Variants in GNA13 observed in about 807,000 individuals in gnomAD.
The protein encoded by GNA13 is guanine nucleotide-binding protein subunit alpha-13.
A neutral mutation model predicts 33.5 loss-of-function variants in GNA13; 4 were observed. That is an observed-to-expected ratio of 0.12 (90% CI 0.06 to 0.27). GNA13 has a LOEUF of 0.27. GNA13 is among the 10% of genes least tolerant of loss of function. The pLI, the probability that GNA13 is intolerant of heterozygous loss-of-function variation, is 1.00. For synonymous variants in GNA13, 176 were observed against 183.8 expected (o/e 0.96, Z 0.34); for missense variants, 319 against 487.2 (o/e 0.65, Z 3.25).
At chr17:65,035,785 T>C (rs1403667891) in intron 2 of GNA13, among the ~76,000 whole-genome samples, 1 of 152,074 alleles carries the variant, frequency 6.6e-6, no homozygotes, top group African/African-American at 2.4e-5. Context: ...TTGTTAATTT[T>C]TTTTTTTTTT....
chr17:65,051,240 A>G (rs73341844), intron 2 of GNA13, among the ~76,000 whole-genome samples: 1 of 152,224 alleles, frequency 6.6e-6, no homozygotes, highest in African/African-American at 2.4e-5. Flanking sequence ...GGATGAATAG[A>G]GCCTGACAAA....
chr17:65,040,327 AC>A (rs1431579820), intron 2 of GNA13, among the ~76,000 whole-genome samples: 1 of 152,210 alleles, frequency 6.6e-6, no homozygotes, highest in Non-Finnish European at 1.5e-5. Context: ...TAAAGTCCCT[AC>A]CATGTTTGAA....
At chr17:65,020,879 G>A (rs1906557769) in intron 2 of GNA13, among the ~76,000 whole-genome samples, 1 of 152,084 alleles carries the variant, frequency 6.6e-6, no homozygotes, top group African/African-American at 2.4e-5. Flanking sequence ...TTGAACTCCT[G>A]ACCTCAGGTG....
chr17:65,053,822 A>G, intron 1 of GNA13, 94 bp from the exon 2 acceptor site: 1 of 784,556 alleles, frequency 1.3e-6, no homozygotes, highest in South Asian at 1.7e-5. Flanking sequence ...ATACTTCTGA[A>G]TTAACCTAGA....
chr17:65,022,282 G>A (rs1360934213), intron 2 of GNA13, among the ~76,000 whole-genome samples: 1 of 152,090 alleles, frequency 6.6e-6, no homozygotes, highest in African/African-American at 2.4e-5. Context: ...AGTGGAGACT[G>A]AGGCAGTGTG....
rs1207487660 is a variant in GNA13 at position 65,009,561 on chromosome 17, A to T, written c.*4696T>A. Reference sequence around the variant, plus strand: ...GGAAAGTTATAAAAAGATATATGTAAAAAAAAAATCCTAAGCCACAAATAT... The same window carrying T: ...GGAAAGTTATAAAAAGATATATGTATAAAAAAAATCCTAAGCCACAAATAT... On this transcript the variant is annotated 3_prime_UTR_variant, in exon 4 of 4. Coordinates refer to ENST00000439174, the MANE Select transcript of GNA13 (RefSeq NM_006572.6). Among the ~76,000 whole-genome samples, 1 of 151,394 alleles carries T rather than the reference A, an allele frequency of 6.6e-6. No individual in the cohort carries two copies. The highest frequency in any genetic ancestry group is 1.9e-4 in the East Asian group (1 of 5,198).
At position 65,014,557 on chromosome 17, in the gene GNA13, G is replaced by A. The variant is rs373006520; in HGVS notation, c.834C>T (p.Asn278=). Residue 278 remains asparagine, a synonymous_variant, in exon 4 of 4, where the codon AAC becomes AAT. Coordinates refer to ENST00000439174, the MANE Select transcript of GNA13 (RefSeq NM_006572.6). This position sits in a 1 kb window ranked among gnomAD's most constrained non-coding sequence, Gnocchi z 5.3. Reference sequence around the variant, plus strand: ...TTATGGAGACATTGCTGAAAACCCGGTTATTGACGATTGTTTCAAAAATGT... The same window carrying A: ...TTATGGAGACATTGCTGAAAACCCGATTATTGACGATTGTTTCAAAAATGT... ...SLNIFETIVN[N]RVFSNVSIIL... 155 of 1,614,014 alleles carry A rather than the reference G, an allele frequency of 9.6e-5. No homozygotes were observed. The highest frequency in any genetic ancestry group is 2.8e-4 in the Admixed American group (17 of 60,012).
At chr17:65,018,565 G>A (rs1392920759) in intron 2 of GNA13, among the ~76,000 whole-genome samples, 3 of 152,116 alleles carry the variant, frequency 2.0e-5, no homozygotes, top group Middle Eastern at 3.2e-3. Flanking sequence ...AGGATTACAC[G>A]CATGCTTTTT....
chr17:65,015,371 A>C (rs796344290), intron 3 of GNA13, among the ~76,000 whole-genome samples: 8 of 151,570 alleles, frequency 5.3e-5, no homozygotes, highest in African/African-American at 1.7e-4. Context: ...CCTCTATTAA[A>C]AGCAATGGGG....
At chr17:65,018,384 G>T in intron 2 of GNA13, 81 bp from the exon 3 acceptor site, 3 of 776,432 alleles carry the variant, frequency 3.9e-6, no homozygotes, top group Non-Finnish European at 7.0e-6. Context: ...CATACTGTCT[G>T]GTTGTACACT....
At chr17:65,018,198 C>A in intron 3 of GNA13, 55 bp downstream of exon 3, 1 of 799,148 alleles carries the variant, frequency 1.3e-6, no homozygotes, top group South Asian at 1.4e-5. Context: ...ACATCGATAT[C>A]CTGACTTCTG....
chr17:65,045,128 G>T (rs1271614232), intron 2 of GNA13, among the ~76,000 whole-genome samples: 2 of 151,494 alleles, frequency 1.3e-5, no homozygotes, highest in Admixed American at 6.6e-5. Flanking sequence ...CAATTACATA[G>T]AAGACAGGCA....
chr17:65,040,693 A>G (rs1054303617), intron 2 of GNA13, among the ~76,000 whole-genome samples: 3 of 152,080 alleles, frequency 2.0e-5, no homozygotes, highest in Non-Finnish European at 2.9e-5. Context: ...GGGTTTCACC[A>G]TCTTCGCCAG....
intron 2 of GNA13, among the ~76,000 whole-genome samples, chr17:65,040,779 C>T (rs370491663): frequency 6.6e-5 from 10 of 152,206 alleles, no homozygotes; most frequent in African/African-American, 2.4e-4. Flanking sequence ...CCATGAGCCA[C>T]TCTGCCCAGC....
chr17:65,019,698 G>A (rs1452474264), intron 2 of GNA13, among the ~76,000 whole-genome samples: 1 of 152,188 alleles, frequency 6.6e-6, no homozygotes, highest in Non-Finnish European at 1.5e-5. Flanking sequence ...GGTGGCAGGA[G>A]GTGGGGACGG....
chr17:65,033,271 G>A (rs1907116957), intron 2 of GNA13, among the ~76,000 whole-genome samples: 1 of 151,526 alleles, frequency 6.6e-6, no homozygotes, highest in Non-Finnish European at 1.5e-5. Context: ...GATCGTTTGA[G>A]CCCAGGAGTT....
rs1179269035 is a variant in GNA13 at position 65,014,813 on chromosome 17, T to G, written c.578A>C (p.Gln193Pro). 2 of 1,608,670 alleles carry G rather than the reference T, an allele frequency of 1.2e-6. No individual in the cohort carries two copies. Among genetic ancestry groups the G allele is most frequent in the African/African-American group, 2.7e-5 (2 of 74,568 alleles). The stretch of plus-strand genomic sequence containing the variant: ...TCTTCTGGCAAGCAGAATATCTTGT[T>G]GTGATGGAATATAATCCTGGAAAAG... Reference protein sequence around the residue: ...KLGEPDYIPSQQDILLARRPT... With the variant: ...KLGEPDYIPSPQDILLARRPT... Residue 193 changes from glutamine (Q) to proline (P), a missense_variant, in exon 4 of 4, where the codon CAA becomes CCA. Physicochemically the swap from Gln to Pro is moderately conservative, Grantham distance 76. Coordinates refer to ENST00000439174, the MANE Select transcript of GNA13 (RefSeq NM_006572.6). This position sits in a 1 kb window ranked among gnomAD's most constrained non-coding sequence, Gnocchi z 5.3.
At chr17:65,047,809 C>G (rs1907720730) in intron 2 of GNA13, among the ~76,000 whole-genome samples, 1 of 152,076 alleles carries the variant, frequency 6.6e-6, no homozygotes, top group African/African-American at 2.4e-5. Context: ...ATTTCCAATA[C>G]ATGCTGCAGT....
chr17:65,034,011 TCAAAAAAAA>T, intron 2 of GNA13, among the ~76,000 whole-genome samples: 1 of 1,822 alleles, frequency 5.5e-4, no homozygotes, highest in East Asian at 0.083. Context: ...GGACTCCGTC[TCAAAAAAAA>T]AAAAAAAAAA....
Sources: allele counts gnomAD v4.1 joint callset (sites outside exome capture counted in the v4.1 genomes callset), GRCh38; gene constraint gnomAD v4.1.1; non-coding constraint Gnocchi (gnomAD v3.1); transcripts MANE v1.5; gene names NCBI Gene and HGNC (gene_info 2026-07-23, HGNC 2026-07-21).